The following SRPK2 variants were observed in gnomAD, a reference collection of about 807,000 sequenced individuals.
The protein encoded by SRPK2 is SRSF protein kinase 2.
In SRPK2, 21 loss-of-function variants were observed where a neutral mutation model predicts 90.8. That is an observed-to-expected ratio of 0.23 (90% CI 0.16 to 0.33). SRPK2 has a LOEUF of 0.33. Ranked by LOEUF, SRPK2 falls within the 10% of genes least tolerant of loss-of-function variation. The pLI is 1.00. For missense variants in SRPK2, 620 were observed against 869.0 expected (o/e 0.71, Z 3.60); for synonymous variants, 288 against 311.1 (o/e 0.93, Z 0.78).
intron 2 of SRPK2, among the ~76,000 whole-genome samples, chr7:105,319,504 C>CGGGGGGGGGGGG (rs796955446): frequency 3.8e-4 from 2 of 5,306 alleles, no homozygotes; most frequent in Non-Finnish European, 9.3e-4. Context: ...GCACTTGCGG[C>CGGGGGGGGGGGG]GGGGGGGGGG....
intron 2 of SRPK2, among the ~76,000 whole-genome samples, chr7:105,331,334 A>AAAC (rs1814362462): frequency 6.9e-6 from 1 of 145,940 alleles, no homozygotes; most frequent in Non-Finnish European, 1.5e-5. Context: ...AAAAAAAAAA[A>AAAC]AAACAAATAG....
chr7:105,124,659 A>AAAAAAAAAAAAAAC (rs1800902266), intron 15 of SRPK2, among the ~76,000 whole-genome samples: 1 of 149,528 alleles, frequency 6.7e-6, no homozygotes, highest in Non-Finnish European at 1.5e-5. Flanking sequence ...AAAAAAAAAA[A>AAAAAAAAAAAAAAC]TCAATGTGGT....
intron 2 of SRPK2, among the ~76,000 whole-genome samples, chr7:105,292,109 TC>T (rs753097075): frequency 3.3e-4 from 50 of 152,304 alleles, no homozygotes; most frequent in Admixed American, 6.5e-4. Context: ...TACCAACACT[TC>T]AAGGAATCAA....
intron 2 of SRPK2, among the ~76,000 whole-genome samples, chr7:105,233,480 T>C (rs1398335661): frequency 6.6e-6 from 1 of 152,172 alleles, no homozygotes; most frequent in Non-Finnish European, 1.5e-5. Flanking sequence ...AACTTGCATA[T>C]GAGAGAATTA....
intron 2 of SRPK2, among the ~76,000 whole-genome samples, chr7:105,380,856 AG>A (rs1820863656): frequency 6.6e-6 from 1 of 150,706 alleles, no homozygotes; most frequent in East Asian, 2.0e-4. Flanking sequence ...TAATTAGTGG[AG>A]CCACAGCTGA....
At chr7:105,125,664 G>A (rs561690765) in intron 15 of SRPK2, 16 of 379,186 alleles carry the variant, frequency 4.2e-5, no homozygotes, top group East Asian at 1.7e-4. Flanking sequence ...AGCTTTCTTC[G>A]GAAGAATTCC....
At chr7:105,137,623 C>T (rs1299062271) in intron 11 of SRPK2, among the ~76,000 whole-genome samples, 1 of 152,160 alleles carries the variant, frequency 6.6e-6, no homozygotes, top group Non-Finnish European at 1.5e-5. Context: ...TGTGTTGAGC[C>T]AAGATACACA....
At chr7:105,325,206 A>G (rs890975652) in intron 2 of SRPK2, among the ~76,000 whole-genome samples, 20 of 152,152 alleles carry the variant, frequency 1.3e-4, no homozygotes, top group African/African-American at 4.8e-4. Context: ...CTCACCACTA[A>G]AGAGCACCTT....
At chr7:105,344,681 A>G (rs1220782449) in intron 2 of SRPK2, among the ~76,000 whole-genome samples, 1 of 152,096 alleles carries the variant, frequency 6.6e-6, no homozygotes, top group Non-Finnish European at 1.5e-5. Flanking sequence ...CCCCTGCTCT[A>G]CACTCTAACT....
At chr7:105,333,938 T>C (rs1814747499) in intron 2 of SRPK2, among the ~76,000 whole-genome samples, 1 of 152,206 alleles carries the variant, frequency 6.6e-6, no homozygotes, top group Non-Finnish European at 1.5e-5. Flanking sequence ...TTTTGTTTTT[T>C]TGAGACAGAG....
chr7:105,366,796 T>A (rs1474556271), intron 2 of SRPK2, among the ~76,000 whole-genome samples: 1 of 152,368 alleles, frequency 6.6e-6, no homozygotes, highest in Admixed American at 6.5e-5. Flanking sequence ...AATGGCTTCA[T>A]GAATTTCCTT....
intron 3 of SRPK2, among the ~76,000 whole-genome samples, chr7:105,190,507 AAACCACTTACC>A (rs1191437624): frequency 6.6e-6 from 1 of 152,066 alleles, no homozygotes; most frequent in East Asian, 1.9e-4. Flanking sequence ...TTGTTTTTTT[AAACCACTTACC>A]ATTATATGAT....
chr7:105,273,387 C>T (rs550199885), intron 2 of SRPK2, among the ~76,000 whole-genome samples: 2 of 151,384 alleles, frequency 1.3e-5, no homozygotes, highest in African/African-American at 4.9e-5. Flanking sequence ...ACCGTTCAGT[C>T]GTCTCCCTTG....
chr7:105,240,962 G>T (rs559625574), intron 2 of SRPK2, among the ~76,000 whole-genome samples: 25 of 152,156 alleles, frequency 1.6e-4, no homozygotes, highest in Non-Finnish European at 3.4e-4. Flanking sequence ...GTTTTTTAAA[G>T]AATGTTCCAG....
intron 2 of SRPK2, among the ~76,000 whole-genome samples, chr7:105,364,179 A>G (rs904980986): frequency 6.6e-6 from 1 of 152,228 alleles, no homozygotes; most frequent in Non-Finnish European, 1.5e-5. Flanking sequence ...AACTTAAAGT[A>G]TAATTAAAAA....
intron 2 of SRPK2, among the ~76,000 whole-genome samples, chr7:105,363,951 G>A (rs1024740647): frequency 2.6e-5 from 4 of 151,276 alleles, no homozygotes; most frequent in South Asian, 2.1e-4. Context: ...ACCAAACACC[G>A]CATGTTCTCA....
chr7:105,186,356 C>A (rs894908597), intron 3 of SRPK2, among the ~76,000 whole-genome samples: 2 of 152,270 alleles, frequency 1.3e-5, no homozygotes, highest in East Asian at 3.9e-4. Flanking sequence ...CAACTTTGCC[C>A]CTTTTGGAGT....
intron 6 of SRPK2, among the ~76,000 whole-genome samples, chr7:105,163,699 TA>T (rs1410399425): frequency 6.6e-6 from 1 of 152,154 alleles, no homozygotes; most frequent in Non-Finnish European, 1.5e-5. Context: ...TAATCCCAGC[TA>T]CTCAGGAGGC....
intron 2 of SRPK2, among the ~76,000 whole-genome samples, chr7:105,263,103 G>A (rs1359749144): frequency 1.3e-5 from 2 of 152,070 alleles, no homozygotes; most frequent in Non-Finnish European, 2.9e-5. Flanking sequence ...GAGGTGGGTG[G>A]ACTGAGGTCA....
Sources: gnomAD v4.1 joint callset for allele counts (sites outside exome capture counted in the v4.1 genomes callset) on GRCh38, gnomAD v4.1.1 for gene constraint, MANE v1.5 for transcripts, NCBI Gene and HGNC (gene_info 2026-07-23, HGNC 2026-07-21) for gene names.